PRR16: variants seen among roughly 807,000 people sequenced by gnomAD.
PRR16 encodes the protein proline rich 16, also known as protein Largen.
In PRR16, 6 loss-of-function variants were observed where a neutral mutation model predicts 18.2. That is an observed-to-expected ratio of 0.33 (90% CI 0.18 to 0.65). The LOEUF is 0.65. PRR16 is among the 30% of genes least tolerant of loss of function. The pLI is 0.74. For missense variants in PRR16, 412 were observed against 376.6 expected (o/e 1.09, Z -0.78); for synonymous variants, 151 against 147.8 (o/e 1.02, Z -0.16).
chr5:120,673,711 G>A (rs926426617), intron 1 of PRR16, among the ~76,000 whole-genome samples: 3 of 152,016 alleles, frequency 2.0e-5, no homozygotes, highest in Non-Finnish European at 4.4e-5. Context: ...GAATGAGGTG[G>A]GTGGATTGCT....
chr5:120,688,853 G>A (rs773143647), downstream of PRR16, among the ~76,000 whole-genome samples: 2 of 152,154 alleles, frequency 1.3e-5, no homozygotes, highest in Admixed American at 6.6e-5. Context: ...AATCGTTCAA[G>A]CTGGTTGAGT....
At chr5:120,529,238 T>G (rs1363299558) in intron 1 of PRR16, among the ~76,000 whole-genome samples, 3 of 152,140 alleles carry the variant, frequency 2.0e-5, no homozygotes, top group Non-Finnish European at 4.4e-5. Context: ...TGACATGATT[T>G]CTGAATAAAA....
intron 1 of PRR16, among the ~76,000 whole-genome samples, chr5:120,506,357 G>A (rs1179350225): frequency 6.6e-6 from 1 of 151,640 alleles, no homozygotes; most frequent in East Asian, 1.9e-4. Context: ...AATGTATTTT[G>A]ATTACCTATT....
chr5:120,652,045 G>A (rs535760609), intron 1 of PRR16, among the ~76,000 whole-genome samples: 10 of 151,910 alleles, frequency 6.6e-5, no homozygotes, highest in East Asian at 1.9e-4. Flanking sequence ...GGTCTTTCAC[G>A]TCCCTTGTAA....
At chr5:120,609,164 G>T (rs1233861107) in intron 1 of PRR16, among the ~76,000 whole-genome samples, 2 of 150,250 alleles carry the variant, frequency 1.3e-5, no homozygotes, top group African/African-American at 4.9e-5. Flanking sequence ...AATTGTTTTT[G>T]GTATATTGCA....
chr5:120,679,206 A>C (rs2150152692), intron 1 of PRR16, among the ~76,000 whole-genome samples: 1 of 152,218 alleles, frequency 6.6e-6, no homozygotes, highest in South Asian at 2.1e-4. Context: ...CACAGACCCA[A>C]ATAACCACAA....
intron 1 of PRR16, among the ~76,000 whole-genome samples, chr5:120,679,076 G>A (rs1202871491): frequency 6.6e-6 from 1 of 151,988 alleles, no homozygotes; most frequent in Non-Finnish European, 1.5e-5. Context: ...TTATTCCACA[G>A]TCTACTATAG....
intron 1 of PRR16, among the ~76,000 whole-genome samples, chr5:120,514,869 T>G (rs1750937134): frequency 6.6e-6 from 1 of 152,070 alleles, no homozygotes; most frequent in African/African-American, 2.4e-5. Flanking sequence ...GCAATTTGGG[T>G]TTTTTTTCTA....
chr5:120,528,299 A>C (rs139004824), intron 1 of PRR16, among the ~76,000 whole-genome samples: 16 of 152,188 alleles, frequency 1.1e-4, no homozygotes, highest in Non-Finnish European at 2.4e-4. Flanking sequence ...GACACAGAGC[A>C]ATAGTTGAGG....
chr5:120,693,120 A>G, the PRR16 span, among the ~76,000 whole-genome samples: 3 of 152,216 alleles, frequency 2.0e-5, no homozygotes, highest in Non-Finnish European at 4.4e-5. Context: ...ATTATGATAT[A>G]TGTATATATA....
intron 1 of PRR16, among the ~76,000 whole-genome samples, chr5:120,661,799 A>G (rs1756182340): frequency 6.6e-6 from 1 of 152,006 alleles, no homozygotes; most frequent in Non-Finnish European, 1.5e-5. Context: ...AGTACCCAAG[A>G]CCCTGGAATT....
chr5:120,614,186 A>G (rs1420153412), intron 1 of PRR16, among the ~76,000 whole-genome samples: 1 of 152,224 alleles, frequency 6.6e-6, no homozygotes, highest in Middle Eastern at 3.2e-3. Context: ...ATTGAGCATA[A>G]AGGAAACAAG....
the PRR16 span, among the ~76,000 whole-genome samples, chr5:120,784,216 T>G: frequency 6.6e-6 from 1 of 152,314 alleles, no homozygotes; most frequent in African/African-American, 2.4e-5. Flanking sequence ...CTTTTGGAGC[T>G]ATATACACAG....
At chr5:120,785,569 G>GTTTTTTTTTTTTTT in the PRR16 span, among the ~76,000 whole-genome samples, 36 of 99,640 alleles carry the variant, frequency 3.6e-4, no homozygotes, top group African/African-American at 1.1e-3. Context: ...GTGTTTTGTT[G>GTTTTTTTTTTTTTT]TTGTTGTTTT....
chr5:120,700,739 A>G, the PRR16 span, among the ~76,000 whole-genome samples: 1 of 152,168 alleles, frequency 6.6e-6, no homozygotes, highest in Non-Finnish European at 1.5e-5. Context: ...TGGAGTGGGT[A>G]GCCTCCGTGC....
At chr5:120,714,287 A>T in the PRR16 span, among the ~76,000 whole-genome samples, 2 of 152,314 alleles carry the variant, frequency 1.3e-5, no homozygotes, top group East Asian at 3.9e-4. Flanking sequence ...TAATATTCTG[A>T]TAAAGAAGGT....
At chr5:120,763,831 A>T in the PRR16 span, among the ~76,000 whole-genome samples, 2 of 151,820 alleles carry the variant, frequency 1.3e-5, no homozygotes, top group Non-Finnish European at 2.9e-5. Flanking sequence ...TTATAAATAG[A>T]ATTGGGTTCT....
intron 1 of PRR16, among the ~76,000 whole-genome samples, chr5:120,575,440 C>T (rs962845832): frequency 4.0e-5 from 6 of 151,614 alleles, no homozygotes; most frequent in Non-Finnish European, 8.8e-5. Context: ...TACAACAGCA[C>T]ATCAAAAGGA....
At chr5:120,646,516 G>C (rs1308125663) in intron 1 of PRR16, among the ~76,000 whole-genome samples, 3 of 152,100 alleles carry the variant, frequency 2.0e-5, no homozygotes, top group Admixed American at 1.3e-4. Context: ...TAGTAGAAGA[G>C]TGAGAATCTA....
Sources: allele counts gnomAD v4.1 joint callset (sites outside exome capture counted in the v4.1 genomes callset), GRCh38; gene constraint gnomAD v4.1.1; transcripts MANE v1.5; gene names NCBI Gene and HGNC (gene_info 2026-07-23, HGNC 2026-07-21).